Variants in NUP210L observed in about 807,000 individuals in gnomAD.
NUP210L encodes nuclear pore membrane glycoprotein 210-like.
Under a neutral mutation model 208.5 loss-of-function variants are expected in NUP210L, and 74 were observed. That is an observed-to-expected ratio of 0.35 (90% CI 0.29 to 0.43). The LOEUF is 0.43. Among genes scored for constraint, NUP210L ranks in the 20% least tolerant of loss-of-function variants. The pLI, the probability that NUP210L is intolerant of heterozygous loss-of-function variation, is 1.00. For missense variants in NUP210L, 1,843 were observed against 2,289.4 expected (o/e 0.81, Z 3.98); for synonymous variants, 780 against 816.9 (o/e 0.95, Z 0.77).
At chr1:154,048,624 C>T (rs1435528293) in intron 25 of NUP210L, among the ~76,000 whole-genome samples, 1 of 152,178 alleles carries the variant, frequency 6.6e-6, no homozygotes, top group African/African-American at 2.4e-5. Context: ...ACTCCCTCAC[C>T]CCTGTACAAT....
intron 22 of NUP210L, among the ~76,000 whole-genome samples, chr1:154,057,695 T>C (rs887571375): frequency 5.5e-5 from 7 of 127,872 alleles, no homozygotes; most frequent in Admixed American, 7.3e-5. Context: ...CTCGAATGTG[T>C]GTGTGTGTGT....
chr1:154,074,432 G>T (rs563564346), intron 16 of NUP210L, among the ~76,000 whole-genome samples: 2 of 147,738 alleles, frequency 1.4e-5, no homozygotes, highest in African/African-American at 5.0e-5. Context: ...CCCTCCTTCT[G>T]TCTCTTTCTT....
At chr1:154,155,023 A>T in exon 1 of NUP210L, 1 of 1,609,372 alleles carries the variant, frequency 6.2e-7, no homozygotes. Context: ...CGGCGTCTTG[A>T]TGACGCCGGA....
Position 154,018,024 on chromosome 1 carries a change from T to C in NUP210L, c.4653+909A>G, listed in dbSNP as rs1165437907. On this transcript the variant is annotated intron_variant, in intron 33 of 39. Coordinates refer to ENST00000368559, the Ensembl canonical transcript of NUP210L. ...TCTCACTCTGTTGCCCAGGCTGGAG[T>C]ACAGTGGCTTGATGTCAGTTCACTG... Among the ~76,000 whole-genome samples, 5 of 151,740 alleles carry C rather than the reference T, an allele frequency of 3.3e-5. No individual in the cohort carries two copies. The East Asian group carries it at 9.7e-4, about 29-fold the overall frequency.
chr1:154,020,478 T>C (rs1034163741), intron 32 of NUP210L, among the ~76,000 whole-genome samples: 10 of 151,818 alleles, frequency 6.6e-5, no homozygotes, highest in African/African-American at 2.4e-4. Flanking sequence ...AGCCTCCCAA[T>C]AGTTGGGACC....
At chr1:154,006,838 A>G (rs1305812595) in intron 35 of NUP210L, among the ~76,000 whole-genome samples, 1 of 138,324 alleles carries the variant, frequency 7.2e-6, no homozygotes, top group Non-Finnish European at 1.5e-5. Context: ...ATATATATAT[A>G]TATGTATATA....
intron 29 of NUP210L, among the ~76,000 whole-genome samples, chr1:154,026,279 C>T (rs1043318060): frequency 3.9e-5 from 6 of 152,114 alleles, no homozygotes; most frequent in Non-Finnish European, 7.4e-5. Context: ...AGCAGGTATT[C>T]AGGTAAATAC....
intron 16 of NUP210L, chr1:154,078,836 C>A (rs1418879937): frequency 6.6e-6 from 1 of 152,138 alleles, no homozygotes; most frequent in Non-Finnish European, 1.5e-5. Context: ...AACAACACAG[C>A]TCCCTAAGCC....
chr1:154,136,072 A>G, intron 6 of NUP210L, 100 bp from the exon 7 acceptor site: 1 of 809,508 alleles, frequency 1.2e-6, no homozygotes, highest in Non-Finnish European at 2.0e-6. Context: ...AGCAGACATA[A>G]AATAAGAGTA....
intron 2 of NUP210L, among the ~76,000 whole-genome samples, chr1:154,148,008 C>T (rs1659202672): frequency 6.9e-6 from 1 of 144,254 alleles, no homozygotes; most frequent in South Asian, 2.2e-4. Flanking sequence ...ACCTGTAATC[C>T]CAGCACTCTG....
chr1:153,998,577 GAAAA>G (rs1037649268), intron 37 of NUP210L, among the ~76,000 whole-genome samples: 4 of 146,234 alleles, frequency 2.7e-5, no homozygotes, highest in Admixed American at 2.1e-4. Context: ...AAAAAGGAAA[GAAAA>G]AGATGCAATT....
chr1:154,077,099 G>C (rs1233086212), intron 16 of NUP210L, among the ~76,000 whole-genome samples: 2 of 152,148 alleles, frequency 1.3e-5, no homozygotes, highest in African/African-American at 4.8e-5. Context: ...AAAGGGCCAG[G>C]TGCAGTGGCT....
At chr1:154,102,854 C>T (rs1309665152) in intron 13 of NUP210L, among the ~76,000 whole-genome samples, 2 of 119,584 alleles carry the variant, frequency 1.7e-5, no homozygotes, top group African/African-American at 2.8e-5. Context: ...TCTTAAAAGA[C>T]ATATGGTATA....
At chr1:154,152,278 C>G (rs1340389091) in intron 2 of NUP210L, among the ~76,000 whole-genome samples, 1 of 151,484 alleles carries the variant, frequency 6.6e-6, no homozygotes, top group African/African-American at 2.4e-5. Flanking sequence ...TCAAGCGATT[C>G]TCCTGCCTCA....
At chr1:154,122,813 C>T (rs1422698211) in intron 10 of NUP210L, among the ~76,000 whole-genome samples, 1 of 152,058 alleles carries the variant, frequency 6.6e-6, no homozygotes, top group Non-Finnish European at 1.5e-5. Context: ...AATCCCAGCA[C>T]CTTGGGAGGC....
At chr1:154,150,394 A>G (rs1358606287) in intron 2 of NUP210L, among the ~76,000 whole-genome samples, 1 of 151,688 alleles carries the variant, frequency 6.6e-6, no homozygotes, top group African/African-American at 2.4e-5. Flanking sequence ...CACTTTCTTT[A>G]CTACACTATC....
chr1:154,035,835 G>T (rs1013199252), intron 27 of NUP210L, among the ~76,000 whole-genome samples: 1 of 151,926 alleles, frequency 6.6e-6, no homozygotes, highest in African/African-American at 2.4e-5. Context: ...TCAAGTTCAA[G>T]CAATTCTCCT....
At chr1:154,143,656 TTC>T in intron 2 of NUP210L, 79 bp from the exon 3 acceptor site, 1 of 1,224,838 alleles carries the variant, frequency 8.2e-7, no homozygotes, top group African/African-American at 1.5e-5. Context: ...CAAAACTGTA[TTC>T]TAAAGATTAT....
chr1:154,011,069 TATC>T (rs1377590717), intron 34 of NUP210L, among the ~76,000 whole-genome samples: 1 of 152,060 alleles, frequency 6.6e-6, no homozygotes, highest in Non-Finnish European at 1.5e-5. Context: ...GGACTGTTGT[TATC>T]ATTGGGTCAG....
Sources: allele counts gnomAD v4.1 joint callset (sites outside exome capture counted in the v4.1 genomes callset), GRCh38; gene constraint gnomAD v4.1.1; transcripts MANE v1.5; gene names NCBI Gene and HGNC (gene_info 2026-07-23, HGNC 2026-07-21).